The following IMMP2L variants were observed in gnomAD, a reference collection of about 807,000 sequenced individuals.
IMMP2L encodes the protein mitochondrial inner membrane protease subunit 2.
In IMMP2L, 18 loss-of-function variants were observed where a neutral mutation model predicts 19.3. The observed-to-expected ratio is 0.93, with a 90% CI of 0.64 to 1.38. The LOEUF (loss-of-function observed/expected upper bound fraction) is 1.38, where lower values mean the gene tolerates loss of function less well. IMMP2L is among the 40% of genes most tolerant of loss of function. IMMP2L has a pLI of 0.00. For synonymous variants in IMMP2L, 76 were observed against 73.0 expected (o/e 1.04, Z -0.21); for missense variants, 233 against 218.2 (o/e 1.07, Z -0.43).
chr7:111,275,143 T>C (rs1584400209), intron 3 of IMMP2L, among the ~76,000 whole-genome samples: 1 of 152,032 alleles, frequency 6.6e-6, no homozygotes, highest in Non-Finnish European at 1.5e-5. Flanking sequence ...CCATGGAGGC[T>C]CCCAGAGGAT....
At chr7:110,785,970 A>ATC (rs1458355852) in intron 5 of IMMP2L, among the ~76,000 whole-genome samples, 1 of 151,752 alleles carries the variant, frequency 6.6e-6, no homozygotes, top group Non-Finnish European at 1.5e-5. Flanking sequence ...GATCTTTCGT[A>ATC]TTTTCTGCAA....
intron 3 of IMMP2L, among the ~76,000 whole-genome samples, chr7:111,035,908 C>T (rs1791297402): frequency 6.6e-6 from 1 of 152,066 alleles, no homozygotes; most frequent in Non-Finnish European, 1.5e-5. Flanking sequence ...AGTTACCTCC[C>T]TGTGCCTCAG....
chr7:111,204,886 A>T (rs1246394042), intron 3 of IMMP2L, among the ~76,000 whole-genome samples: 1 of 152,222 alleles, frequency 6.6e-6, no homozygotes, highest in African/African-American at 2.4e-5. Flanking sequence ...GTGTGACAAT[A>T]TAGTAATCAG....
chr7:111,144,004 C>A lies in IMMP2L; in HGVS notation c.240-180439G>T, dbSNP rs191524120. Among the ~76,000 whole-genome samples the A allele has an allele frequency of 6.0e-3, 915 of 152,220 alleles. 8 individuals carry two copies. Among genetic ancestry groups the A allele is most frequent in the South Asian group, 0.02 (96 of 4,822 alleles). On this transcript the variant is annotated intron_variant, in intron 3 of 5. Coordinates refer to ENST00000405709, the MANE Select transcript of IMMP2L (RefSeq NM_032549.4). ...AATTATTATTTCCATCTCAGTGTCA[C>A]AGATACACTGCAACATTGTCAAATA...
At chr7:111,253,920 G>C (rs1053283572) in intron 3 of IMMP2L, among the ~76,000 whole-genome samples, 1 of 152,052 alleles carries the variant, frequency 6.6e-6, no homozygotes, top group Admixed American at 6.6e-5. Context: ...AGAATTCTTA[G>C]GTGAAACATA....
chr7:111,501,198 C>T (rs1380663186), intron 2 of IMMP2L, among the ~76,000 whole-genome samples: 1 of 151,882 alleles, frequency 6.6e-6, no homozygotes, highest in Admixed American at 6.6e-5. Flanking sequence ...GGAGCCGATG[C>T]GATCAACTGG....
At chr7:111,469,392 G>C (rs1346097380) in intron 3 of IMMP2L, among the ~76,000 whole-genome samples, 2 of 152,052 alleles carry the variant, frequency 1.3e-5, no homozygotes, top group Non-Finnish European at 2.9e-5. Flanking sequence ...CATGAGCATG[G>C]AATGTTCTTC....
At chr7:110,742,219 CT>C (rs1797032819) in intron 5 of IMMP2L, among the ~76,000 whole-genome samples, 1 of 152,058 alleles carries the variant, frequency 6.6e-6, no homozygotes, top group African/African-American at 2.4e-5. Context: ...CAAATGGTAA[CT>C]TTTTTCTAAA....
intron 3 of IMMP2L, among the ~76,000 whole-genome samples, chr7:111,028,443 A>G (rs1827085097): frequency 1.3e-5 from 2 of 152,148 alleles, no homozygotes; most frequent in African/African-American, 4.8e-5. Flanking sequence ...GCATAGGGAA[A>G]TCTCATTACT....
intron 3 of IMMP2L, among the ~76,000 whole-genome samples, chr7:111,201,328 T>G (rs903748121): frequency 6.6e-6 from 1 of 151,318 alleles, no homozygotes; most frequent in Non-Finnish European, 1.5e-5. Context: ...CTTTATACAG[T>G]TTTTTGAGAA....
chr7:110,756,570 C>T (rs1002137483), intron 5 of IMMP2L, among the ~76,000 whole-genome samples: 3 of 151,962 alleles, frequency 2.0e-5, no homozygotes, highest in Admixed American at 6.6e-5. Context: ...GGCCAAGCAC[C>T]GAACCCTGAG....
intron 5 of IMMP2L, among the ~76,000 whole-genome samples, chr7:110,713,349 G>A (rs1795023196): frequency 6.6e-6 from 1 of 152,066 alleles, no homozygotes; most frequent in South Asian, 2.1e-4. Context: ...AATGTGATGC[G>A]TCTGACTTTG....
chr7:111,355,314 T>A (rs772349512), intron 3 of IMMP2L, among the ~76,000 whole-genome samples: 12 of 151,846 alleles, frequency 7.9e-5, no homozygotes, highest in Non-Finnish European at 1.6e-4. Flanking sequence ...GACATCAGTT[T>A]GGTGAAATAT....
At chr7:111,428,398 A>G (rs576670512) in intron 3 of IMMP2L, among the ~76,000 whole-genome samples, 5 of 151,844 alleles carry the variant, frequency 3.3e-5, no homozygotes, top group Admixed American at 6.6e-5. Context: ...CTATATAAAA[A>G]TTGAATGATT....
At chr7:110,756,047 G>A (rs2130942866) in intron 5 of IMMP2L, among the ~76,000 whole-genome samples, 1 of 152,176 alleles carries the variant, frequency 6.6e-6, no homozygotes, top group South Asian at 2.1e-4. Context: ...GCAGCTTTGT[G>A]GATGACAGAT....
At chr7:111,411,149 C>T (rs901092447) in intron 3 of IMMP2L, among the ~76,000 whole-genome samples, 1 of 144,756 alleles carries the variant, frequency 6.9e-6, no homozygotes, top group Non-Finnish European at 1.5e-5. Flanking sequence ...GAAAAAAAGG[C>T]ACATAATATA....
intron 3 of IMMP2L, among the ~76,000 whole-genome samples, chr7:110,970,722 C>A (rs1377381301): frequency 6.6e-6 from 1 of 152,104 alleles, no homozygotes; most frequent in African/African-American, 2.4e-5. Context: ...CACTCGGAAG[C>A]ATTCTTTCCC....
At chr7:111,279,059 T>C (rs1160744964) in intron 3 of IMMP2L, among the ~76,000 whole-genome samples, 1 of 152,194 alleles carries the variant, frequency 6.6e-6, no homozygotes, top group African/African-American at 2.4e-5. Context: ...AGGTCCTCTG[T>C]GCAGTTTTGA....
intron 3 of IMMP2L, among the ~76,000 whole-genome samples, chr7:111,045,179 T>C (rs1792277204): frequency 6.6e-6 from 1 of 152,230 alleles, no homozygotes; most frequent in South Asian, 2.1e-4. Context: ...AGAACAACTA[T>C]TTGGCTTGCT....
Sources: gnomAD v4.1 joint callset for allele counts (sites outside exome capture counted in the v4.1 genomes callset) on GRCh38, gnomAD v4.1.1 for gene constraint, MANE v1.5 for transcripts, NCBI Gene and HGNC (gene_info 2026-07-23, HGNC 2026-07-21) for gene names.